Variants in FRMD4A observed in about 807,000 individuals in gnomAD.
FRMD4A encodes FERM domain-containing protein 4A.
Under a neutral mutation model 129.1 loss-of-function variants are expected in FRMD4A, and 29 were observed. The ratio of observed to expected loss-of-function variants is 0.22; its 90% CI spans 0.17 to 0.31. The LOEUF is 0.31. FRMD4A is among the 10% of genes least tolerant of loss of function. The probability of loss-of-function intolerance (pLI) is 1.00; values close to 1 mark genes in which losing one functional copy is unlikely to be tolerated. For missense variants in FRMD4A, 1,272 were observed against 1,375.8 expected (o/e 0.92, Z 1.19); for synonymous variants, 634 against 571.6 (o/e 1.11, Z -1.56).
intron 2 of FRMD4A, among the ~76,000 whole-genome samples, chr10:14,135,093 G>T (rs1241857245): frequency 6.6e-6 from 1 of 152,154 alleles, no homozygotes; most frequent in Non-Finnish European, 1.5e-5. Context: ...AAGAAAACAA[G>T]CATTCTGTCC....
chr10:13,798,698 C>G (rs1240340891), intron 4 of FRMD4A, among the ~76,000 whole-genome samples: 2 of 152,198 alleles, frequency 1.3e-5, no homozygotes, highest in African/African-American at 4.8e-5. Flanking sequence ...GCCTGGGTGA[C>G]AGAGCGAGAC....
At chr10:13,717,682 T>C (rs1176099845) in intron 12 of FRMD4A, among the ~76,000 whole-genome samples, 1 of 128,642 alleles carries the variant, frequency 7.8e-6, no homozygotes. Flanking sequence ...GGGAGAAACC[T>C]GTTGTTCTTG....
chr10:14,220,835 TG>T (rs1843234660), intron 2 of FRMD4A, among the ~76,000 whole-genome samples: 2 of 150,680 alleles, frequency 1.3e-5, no homozygotes, highest in African/African-American at 2.4e-5. Context: ...TGTGTGTGTG[TG>T]TGTTTACTGG....
chr10:14,260,263 G>C (rs1485494125), intron 2 of FRMD4A, among the ~76,000 whole-genome samples: 1 of 152,160 alleles, frequency 6.6e-6, no homozygotes, highest in Admixed American at 6.5e-5. Context: ...TGTGCTTTAA[G>C]AGGAATTGGA....
chr10:13,796,563 C>T lies in FRMD4A; in HGVS notation c.232G>A (p.Asp78Asn). 1 of 1,600,652 alleles carries T rather than the reference C, an allele frequency of 6.2e-7. No individual in the cohort carries two copies. Among genetic ancestry groups the T allele is most frequent in the Non-Finnish European group, 8.6e-7 (1 of 1,167,754 alleles). ...AAGTCATGTTCCAATACTCTTCGAT[C>T]TAGCTGAAGCCAGTTTAAGTGTCCC... ...ETGHLNWLQL[D>N]RRVLEHDFPK... The change falls in exon 5 of 25, where the codon GAT (aspartate) becomes AAT (asparagine). Residue 78 changes from aspartate (D) to asparagine (N), a missense_variant. Physicochemically the swap from Asp to Asn is conservative, Grantham distance 23. This residue lies in a region of FRMD4A where 300 missense variants were observed against 483.6 expected (regional missense o/e 0.62). Transcript: ENST00000357447.
chr10:13,748,458 C>A (rs2091409330), intron 8 of FRMD4A, among the ~76,000 whole-genome samples: 1 of 152,076 alleles, frequency 6.6e-6, no homozygotes, highest in Non-Finnish European at 1.5e-5. Context: ...ACTGGTTGAG[C>A]CCCACAAAAC....
intron 2 of FRMD4A, among the ~76,000 whole-genome samples, chr10:14,190,073 C>T (rs1011552893): frequency 2.6e-5 from 4 of 152,204 alleles, no homozygotes; most frequent in Non-Finnish European, 5.9e-5. Flanking sequence ...TTTGACAAAA[C>T]TTGTCTAAAT....
intron 8 of FRMD4A, among the ~76,000 whole-genome samples, chr10:13,755,734 C>T (rs1021350629): frequency 2.0e-5 from 3 of 152,152 alleles, no homozygotes; most frequent in Non-Finnish European, 4.4e-5. Flanking sequence ...AGACTGACAC[C>T]ACAGGTATAC....
At chr10:13,933,228 C>T (rs192948868) in intron 2 of FRMD4A, among the ~76,000 whole-genome samples, 29 of 152,222 alleles carry the variant, frequency 1.9e-4, no homozygotes, top group Non-Finnish European at 4.0e-4. Context: ...CGGATGAACA[C>T]TTCAGCTATG....
chr10:14,007,428 T>C (rs1452678646), intron 2 of FRMD4A: 1 of 152,366 alleles, frequency 6.6e-6, no homozygotes, highest in Non-Finnish European at 1.5e-5. Flanking sequence ...AAATCCTTAT[T>C]ATTACTTTAT....
At chr10:13,935,433 T>G (rs1380383869) in intron 2 of FRMD4A, among the ~76,000 whole-genome samples, 1 of 105,862 alleles carries the variant, frequency 9.4e-6, no homozygotes, top group African/African-American at 4.0e-5. Context: ...GTGACAAGAG[T>G]GCAACTCCAT....
rs369057563 is a variant in FRMD4A at position 13,997,319 on chromosome 10, A to G, written c.46-138407T>C. Reference sequence around the variant, plus strand: ...CCTTAGTTGTAATAATCTTCACCCCAAGAGTCTCTACCATGGTCTCTAATT... The same window carrying G: ...CCTTAGTTGTAATAATCTTCACCCCGAGAGTCTCTACCATGGTCTCTAATT... On this transcript the variant is annotated intron_variant, in intron 2 of 24. Transcript: ENST00000357447. Among the ~76,000 whole-genome samples, 18 of 152,270 alleles carry G rather than the reference A, an allele frequency of 1.2e-4. No individual in the cohort carries two copies. In the East Asian group the frequency reaches 2.9e-3, roughly 25 times the overall value.
intron 2 of FRMD4A, among the ~76,000 whole-genome samples, chr10:13,910,542 A>T (rs1353272964): frequency 6.6e-6 from 1 of 152,244 alleles, no homozygotes; most frequent in Non-Finnish European, 1.5e-5. Flanking sequence ...TTACTTAGCG[A>T]TGGTTAACTG....
At chr10:14,027,168 AAG>A (rs1200519304) in intron 2 of FRMD4A, among the ~76,000 whole-genome samples, 1 of 152,230 alleles carries the variant, frequency 6.6e-6, no homozygotes, top group African/African-American at 2.4e-5. Flanking sequence ...GGAATTTCAT[AAG>A]AGATATACTA....
intron 15 of FRMD4A, among the ~76,000 whole-genome samples, chr10:13,683,420 A>G (rs949884039): frequency 7.7e-6 from 1 of 130,202 alleles, no homozygotes; most frequent in African/African-American, 3.4e-5. Context: ...CCCTATCTGT[A>G]AAAAAAAAAA....
intron 2 of FRMD4A, among the ~76,000 whole-genome samples, chr10:14,115,028 A>G (rs1431030478): frequency 6.6e-6 from 1 of 152,070 alleles, no homozygotes; most frequent in Non-Finnish European, 1.5e-5. Flanking sequence ...CCTACCTGCT[A>G]CCCATACACT....
chr10:13,683,272 G>T (rs1387776599), intron 15 of FRMD4A, among the ~76,000 whole-genome samples: 1 of 152,150 alleles, frequency 6.6e-6, no homozygotes, highest in Non-Finnish European at 1.5e-5. Context: ...CCTGCCTGCC[G>T]GGAGGCAGAA....
intron 2 of FRMD4A, among the ~76,000 whole-genome samples, chr10:14,017,705 C>T (rs1361141974): frequency 6.6e-6 from 1 of 152,194 alleles, no homozygotes; most frequent in African/African-American, 2.4e-5. Flanking sequence ...CATCAGATTC[C>T]TTTCGCTCCT....
intron 2 of FRMD4A, among the ~76,000 whole-genome samples, chr10:14,018,979 A>AC (rs1265290988): frequency 2.0e-5 from 3 of 152,182 alleles, no homozygotes; most frequent in Admixed American, 6.5e-5. Context: ...GTGAGGGCAG[A>AC]CATTCAATAA....
Sources: gnomAD v4.1 joint callset for allele counts (sites outside exome capture counted in the v4.1 genomes callset) on GRCh38, gnomAD v4.1.1 for gene constraint, gnomAD v4.1.1 regional missense constraint, MANE v1.5 for transcripts, NCBI Gene and HGNC (gene_info 2026-07-23, HGNC 2026-07-21) for gene names.